Variants in TRIM34 observed in about 807,000 individuals in gnomAD.
TRIM34 encodes E3 ubiquitin-protein ligase TRIM34.
In TRIM34, 41 loss-of-function variants were observed where a neutral mutation model predicts 38.1. That is an observed-to-expected ratio of 1.08 (90% CI 0.84 to 1.40). TRIM34 has a LOEUF of 1.40. Among genes scored for constraint, TRIM34 ranks in the 40% most tolerant of loss-of-function variants. The probability of loss-of-function intolerance (pLI) is 0.00; values close to 1 mark genes in which losing one functional copy is unlikely to be tolerated. For synonymous variants in TRIM34, 200 were observed against 202.5 expected (o/e 0.99, Z 0.10); for missense variants, 556 against 571.4 (o/e 0.97, Z 0.27).
chr11:5,629,865 C>G (rs1183409384), intron 1 of TRIM34, among the ~76,000 whole-genome samples: 4 of 152,074 alleles, frequency 2.6e-5, no homozygotes, highest in Non-Finnish European at 5.9e-5. Flanking sequence ...CCGCCGCCAC[C>G]CCTGGCTAAT....
Position 5,642,802 on chromosome 11 carries a change from CT to C in TRIM34, c.875-11del, listed in dbSNP as rs1360989164. On this transcript the variant is annotated splice_polypyrimidine_tract_variant and intron_variant, in intron 6 of 7. Coordinates refer to ENST00000429814, the MANE Select transcript of TRIM34 (RefSeq NM_021616.6). Reference sequence around the variant, plus strand: ...TTGTTTCTAATCAGCATCACTGAATCTTTTATTATTTCAGAACTGACAGCTG... The same window carrying C: ...TTGTTTCTAATCAGCATCACTGAATCTTTATTATTTCAGAACTGACAGCTG... 2.5e-6 allele frequency: 4 copies of C among 1,613,846 alleles called. No homozygotes were observed.
intron 1 of TRIM34, among the ~76,000 whole-genome samples, chr11:5,630,529 A>G (rs141731509): frequency 6.6e-6 from 1 of 152,334 alleles, no homozygotes; most frequent in Non-Finnish European, 1.5e-5. Context: ...TCAGCCACAC[A>G]TTTAAAAACT....
Position 5,633,873 on chromosome 11 carries a change from A to C in TRIM34, c.493A>C (p.Ile165Leu). ...EEEAEKLEAD[I>L]REEKTSWKYQ... ...GGAAGCTGAGAAGCTGGAAGCTGAC[A>C]TCAGAGAAGAGAAAACTTCCTGGAA... Residue 165 changes from isoleucine (I) to leucine (L), a missense_variant, in exon 3 of 8, where the codon ATC becomes CTC. Coordinates refer to ENST00000429814, the MANE Select transcript of TRIM34 (RefSeq NM_021616.6). 6.2e-7 allele frequency: 1 copy of C among 1,614,140 alleles called. No individual in the cohort carries two copies. Among genetic ancestry groups the C allele is most frequent in the Non-Finnish European group, 8.5e-7 (1 of 1,179,998 alleles).
At chr11:5,632,961 G>A (rs557218278) in intron 2 of TRIM34, among the ~76,000 whole-genome samples, 8 of 148,592 alleles carry the variant, frequency 5.4e-5, no homozygotes, top group Non-Finnish European at 8.9e-5. Flanking sequence ...CAAGTAGCTC[G>A]GATTACAGGC....
intron 1 of TRIM34, among the ~76,000 whole-genome samples, chr11:5,626,132 C>G (rs889143507): frequency 2.0e-5 from 3 of 152,180 alleles, no homozygotes; most frequent in African/African-American, 4.8e-5. Context: ...CCATGTCTGC[C>G]TACATACTGA....
upstream of TRIM34, among the ~76,000 whole-genome samples, chr11:5,620,224 C>T (rs1848939425): frequency 1.7e-5 from 2 of 120,756 alleles, no homozygotes; most frequent in Non-Finnish European, 1.6e-5. Context: ...GTCGCCCAGG[C>T]TGGAGTGCGG....
chr11:5,631,997 T>C (rs1207128917), intron 1 of TRIM34, among the ~76,000 whole-genome samples: 1 of 152,182 alleles, frequency 6.6e-6, no homozygotes, highest in Non-Finnish European at 1.5e-5. Flanking sequence ...AAGGGACATG[T>C]AAGGAGAAAG....
At position 5,641,991 on chromosome 11, in the gene TRIM34, A is replaced by T. The variant is rs1313172957; in HGVS notation, c.774-415A>T. Among the ~76,000 whole-genome samples the T allele has an allele frequency of 2.6e-5, 4 of 152,160 alleles. No individual in the cohort carries two copies. In the East Asian group the frequency reaches 5.8e-4, roughly 22 times the overall value. On this transcript the variant is annotated intron_variant, in intron 5 of 7. Coordinates refer to ENST00000429814, the MANE Select transcript of TRIM34 (RefSeq NM_021616.6). ...GAGCCCCGTATCACAGTCAGGATCT[A>T]CAGCTCAGAATACCACATCTCTGGC...
At chr11:5,620,447 C>T (rs374371317), upstream of TRIM34, among the ~76,000 whole-genome samples, 3 of 151,920 alleles carry the variant, frequency 2.0e-5, no homozygotes, top group African/African-American at 4.8e-5. Flanking sequence ...GTGATCCGCC[C>T]GCCTCAGCCT....
At chr11:5,640,793 G>T (rs2133952395) in intron 4 of TRIM34, among the ~76,000 whole-genome samples, 2 of 152,210 alleles carry the variant, frequency 1.3e-5, no homozygotes, top group South Asian at 4.2e-4. Flanking sequence ...TTCTCTGTAG[G>T]AAGTCTTTGA....
chr11:5,634,893 G>C, intron 4 of TRIM34, 32 bp downstream of exon 4: 1 of 1,601,338 alleles, frequency 6.2e-7, no homozygotes, highest in Non-Finnish European at 8.5e-7. Context: ...GAGATTCTGG[G>C]AACACAGTTC....
At chr11:5,639,707 A>AAAAAAAT (rs1564889435) in intron 4 of TRIM34, among the ~76,000 whole-genome samples, 3 of 139,912 alleles carry the variant, frequency 2.1e-5, no homozygotes, top group Non-Finnish European at 3.0e-5. Flanking sequence ...AAAAAAAAAA[A>AAAAAAAT]GATTGGAAGA....
At chr11:5,620,502 A>C (rs1457537473), upstream of TRIM34, among the ~76,000 whole-genome samples, 1 of 152,080 alleles carries the variant, frequency 6.6e-6, no homozygotes, top group Admixed American at 6.6e-5. Flanking sequence ...CGTCCAGCCA[A>C]GCTTTTTTTC....
At chr11:5,621,054 C>T (rs1276283713), upstream of TRIM34, among the ~76,000 whole-genome samples, 2 of 152,208 alleles carry the variant, frequency 1.3e-5, no homozygotes, top group Non-Finnish European at 2.9e-5. Flanking sequence ...GGCAGTTTCT[C>T]TATGTGTAGA....
chr11:5,643,334 G>A lies in TRIM34; in HGVS notation c.1092G>A (p.Gly364=). ...DVSKKTAWIL[G]VYCRTYSRHM... is the part of the protein sequence containing the mutation. The stretch of plus-strand genomic sequence containing the variant: ...CCAAGAAAACTGCCTGGATCCTGGG[G>A]GTATACTGTAGAACATATTCCCGCC... Residue 364 remains glycine (G), a synonymous_variant, in exon 8 of 8, where the codon GGG becomes GGA. Transcript: ENST00000429814. 6.2e-7 allele frequency: 1 copy of A among 1,613,794 alleles called. No individual in the cohort carries two copies. The highest frequency in any genetic ancestry group is 8.5e-7 in the Non-Finnish European group (1 of 1,179,938).
At position 5,643,142 on chromosome 11, in the gene TRIM34, A is replaced by C. The variant is rs768521194; in HGVS notation, c.902-2A>C. The stretch of plus-strand genomic sequence containing the variant: ...ATATATATATTTTTTTTTTTCTTGC[A>C]GTGGATGTCACACTGAATTCAGTCA... On this transcript the variant is annotated splice_acceptor_variant, in intron 7 of 7. Coordinates refer to ENST00000429814, the MANE Select transcript of TRIM34 (RefSeq NM_021616.6). LOFTEE classifies it high-confidence loss of function. 7.1e-7 allele frequency: 1 copy of C among 1,403,418 alleles called. No homozygotes were observed. Among genetic ancestry groups the C allele is most frequent in the South Asian group, 1.8e-5 (1 of 55,820 alleles). 86.9% of individuals were successfully genotyped at this position (1,403,418 alleles called of 1,614,324 possible).
chr11:5,633,476 C>G (rs993256442), intron 2 of TRIM34, among the ~76,000 whole-genome samples: 5 of 152,094 alleles, frequency 3.3e-5, no homozygotes, highest in Non-Finnish European at 7.3e-5. Context: ...TCTTGCTTCT[C>G]TAAGCAGGAT....
At chr11:5,637,668 A>G (rs1849804965) in intron 4 of TRIM34, among the ~76,000 whole-genome samples, 1 of 152,178 alleles carries the variant, frequency 6.6e-6, no homozygotes, top group Non-Finnish European at 1.5e-5. Context: ...CTGTGCAACC[A>G]TTAAGTGGGA....
chr11:5,632,446 A>C lies in TRIM34; in HGVS notation c.115A>C (p.Ile39Leu). Residue 39 changes from isoleucine to leucine, a missense_variant, in exon 2 of 8, where the codon ATC (isoleucine) becomes CTC (leucine). Coordinates refer to ENST00000429814, the MANE Select transcript of TRIM34 (RefSeq NM_021616.6). ...DCGHSLCRAC[I>L]TVSNKEAVTS... The stretch of plus-strand genomic sequence containing the variant: ...TGGCCACAGCCTCTGCCGAGCCTGC[A>C]TCACTGTGAGCAACAAGGAGGCAGT... 6.2e-7 allele frequency: 1 copy of C among 1,614,092 alleles called. No individual in the cohort carries two copies. The highest frequency in any genetic ancestry group is 8.5e-7 in the Non-Finnish European group (1 of 1,180,008).
Sources: allele counts gnomAD v4.1 joint callset (sites outside exome capture counted in the v4.1 genomes callset), GRCh38; gene constraint gnomAD v4.1.1; transcripts MANE v1.5; gene names NCBI Gene and HGNC (gene_info 2026-07-23, HGNC 2026-07-21).